The following FADS2 variants were observed in gnomAD, a reference collection of about 807,000 sequenced individuals.
FADS2 encodes the protein acyl-CoA 6-desaturase.
Under a neutral mutation model 61.2 loss-of-function variants are expected in FADS2, and 18 were observed. The ratio of observed to expected loss-of-function variants is 0.29; its 90% CI spans 0.20 to 0.44. The LOEUF (loss-of-function observed/expected upper bound fraction) is 0.44. Among genes scored for constraint, FADS2 ranks in the 20% least tolerant of loss-of-function variants. The pLI is 1.00. For synonymous variants in FADS2, 203 were observed against 223.9 expected (o/e 0.91, Z 0.83); for missense variants, 322 against 572.7 (o/e 0.56, Z 4.47).
chr11:61,822,264 C>T (rs761589277), intron 1 of FADS2, among the ~76,000 whole-genome samples: 33 of 152,178 alleles, frequency 2.2e-4, no homozygotes, highest in Non-Finnish European at 4.0e-4. Context: ...CCACCGCGCC[C>T]GGCCCAGTCT....
intron 5 of FADS2, among the ~76,000 whole-genome samples, chr11:61,853,290 C>CCCTTCCTTCCTCCCTCCCTT (rs2067325977): frequency 2.4e-5 from 2 of 81,692 alleles, no homozygotes; most frequent in Admixed American, 1.3e-4. Flanking sequence ...CTCCCTCCCT[C>CCCTTCCTTCCTCCCTCCCTT]CCTTCCTTCC....
At chr11:61,840,159 A>G (rs1036140894) in intron 2 of FADS2, 175 bp from the exon 3 acceptor site, 1 of 628,616 alleles carries the variant, frequency 1.6e-6, no homozygotes, top group Admixed American at 2.5e-5. Flanking sequence ...TGTGTGGGGC[A>G]TGTGGTAACA....
At chr11:61,850,740 A>G (rs1375195516) in intron 5 of FADS2, among the ~76,000 whole-genome samples, 4 of 152,192 alleles carry the variant, frequency 2.6e-5, no homozygotes, top group African/African-American at 9.7e-5. Flanking sequence ...TGTTGCTTTT[A>G]TGCAGATCTT....
At chr11:61,857,132 C>G in intron 6 of FADS2, 61 bp downstream of exon 6, 1 of 1,345,462 alleles carries the variant, frequency 7.4e-7, no homozygotes, top group African/African-American at 1.4e-5. Flanking sequence ...AGTGGCGTGT[C>G]TCTCCCTCCT....
chr11:61,820,705 A>G (rs2135946958), intron 1 of FADS2, among the ~76,000 whole-genome samples: 1 of 152,062 alleles, frequency 6.6e-6, no homozygotes, highest in South Asian at 2.1e-4. Context: ...CTCCAGACCC[A>G]CTTGGCCAAC....
At position 61,861,685 on chromosome 11, in the gene FADS2, G is replaced by A. The variant is rs1022086844; in HGVS notation, c.883-1287G>A. 2.6e-5 allele frequency among the ~76,000 whole-genome samples: 4 copies of A among 152,188 alleles called. No individual in the cohort carries two copies. The South Asian group carries it at 6.2e-4, about 24-fold the overall frequency. The stretch of plus-strand genomic sequence containing the variant: ...GCCCTCGGCCAATGTTGGCCCCAAG[G>A]CCATCTCCAGCCTCTCCTGAGCGCT... On this transcript the variant is annotated intron_variant, in intron 7 of 11. Transcript: ENST00000278840.
chr11:61,859,935 ACTT>A (rs1329639989), intron 7 of FADS2, among the ~76,000 whole-genome samples: 2 of 118,924 alleles, frequency 1.7e-5, no homozygotes, highest in Non-Finnish European at 4.1e-5. Flanking sequence ...GCAGTGAGCA[ACTT>A]CTTTTTTTTG....
At position 61,816,618 on chromosome 11, in the gene FADS2, C is replaced by T; in HGVS notation, c.141+192C>T. On this transcript the variant is annotated intron_variant, in intron 1 of 11. Coordinates refer to the FADS2 transcript ENST00000257261. The surrounding 1 kb of genome is among the most constrained non-coding windows in gnomAD (Gnocchi z 7.0). ...AGCCCCCTGGATGCCGGCGGGTGAA[C>T]TCGCTGATGTTGTACACCTTACGGT... 2 of 1,602,782 alleles carry T rather than the reference C, an allele frequency of 1.2e-6. No individual in the cohort carries two copies. The highest frequency in any genetic ancestry group is 1.7e-6 in the Non-Finnish European group (2 of 1,175,488).
At chr11:61,862,239 G>C (rs2067424130) in intron 7 of FADS2, 1 of 152,290 alleles carries the variant, frequency 6.6e-6, no homozygotes, top group Non-Finnish European at 1.5e-5. Context: ...TGGAGCGAAG[G>C]CCACTCTGGT....
At chr11:61,824,491 AAAGAAAGAAAG>A (rs1250695383), upstream of FADS2, among the ~76,000 whole-genome samples, 758 of 9,572 alleles carry the variant, frequency 0.079, 156 homozygotes, top group East Asian at 0.64. Context: ...AGAGAGAGAG[AAAGAAAGAAAG>A]GAAAGAAAGA....
At chr11:61,863,581 A>G in intron 9 of FADS2, 126 bp from the exon 10 acceptor site, 1 of 839,448 alleles carries the variant, frequency 1.2e-6, no homozygotes, top group Non-Finnish European at 1.9e-6. Flanking sequence ...GGCTGAGGCC[A>G]TCAGGCAGGA....
chr11:61,823,349 T>A (rs1025442457), upstream of FADS2, among the ~76,000 whole-genome samples: 62 of 152,244 alleles, frequency 4.1e-4, no homozygotes, highest in Non-Finnish European at 1.0e-4. Context: ...CACCTACTGC[T>A]GTGTAATCTT....
chr11:61,853,601 G>A (rs1591177356), intron 5 of FADS2, among the ~76,000 whole-genome samples: 1 of 152,010 alleles, frequency 6.6e-6, no homozygotes, highest in East Asian at 1.9e-4. Flanking sequence ...TCCCATCCGG[G>A]AAACCACCTC....
At chr11:61,824,563 G>A (rs927419121), upstream of FADS2, among the ~76,000 whole-genome samples, 6 of 151,888 alleles carry the variant, frequency 4.0e-5, no homozygotes, top group African/African-American at 1.5e-4. Context: ...TGAGGAAACT[G>A]AAGGTCAGAG....
Position 61,837,782 on chromosome 11 carries a change from C to G in FADS2, c.212C>G (p.Ala71Gly). Residue 71 changes from alanine (A) to glycine (G), a missense_variant, in exon 2 of 12, where the codon GCC becomes GGC. Physicochemically the swap from Ala to Gly is moderately conservative, Grantham distance 60. Around this residue, in one of 3 missense-constraint regions of FADS2, gnomAD observed 61 missense variants for 107.4 expected, o/e 0.57. Coordinates refer to ENST00000278840, the MANE Select transcript of FADS2 (RefSeq NM_004265.4). ...TCACTGCCCTCTGCTCTCCAGGATG[C>G]CTTCCGCGCCTTCCACCCTGACCTG... ...GHYAGEDATD[A>G]FRAFHPDLEF... is the part of the protein sequence containing the mutation. 1 of 1,609,536 alleles carries G rather than the reference C, an allele frequency of 6.2e-7. No individual in the cohort carries two copies. Among genetic ancestry groups the G allele is most frequent in the Non-Finnish European group, 8.5e-7 (1 of 1,177,554 alleles).
chr11:61,848,688 G>A (rs750643798), intron 5 of FADS2: 3 of 178,314 alleles, frequency 1.7e-5, no homozygotes, highest in Non-Finnish European at 3.6e-5. Context: ...CAGGGTAGAG[G>A]GAAATCTTGT....
In FADS2 at chr11:61,840,707, C is replaced by T. The variant is rs1257951337; in HGVS notation, c.600C>T (p.Phe200=). 15 of 1,613,772 alleles carry T rather than the reference C, an allele frequency of 9.3e-6. No individual in the cohort carries two copies. Among genetic ancestry groups the T allele is most frequent in the African/African-American group, 2.7e-5 (2 of 74,930 alleles). Reference sequence around the variant, plus strand: ...AGTGGAACCACCTTGTCCACAAATTCGTCATTGGCCACTTAAAGGTAAGTG... The same window carrying T: ...AGTGGAACCACCTTGTCCACAAATTTGTCATTGGCCACTTAAAGGTAAGTG... ...KPKWNHLVHK[F]VIGHLKGASA... Residue 200 remains phenylalanine, a synonymous_variant, in exon 4 of 12, where the codon TTC becomes TTT. Transcript: ENST00000278840.
rs201529572 is a variant in FADS2, at chr11:61,865,703, G to A, written c.*14G>A. ...CTTCACAAATGAAGCCACAGCCCCC[G>A]GGACACCGTGGGGAAGGGGTGCAGG... On this transcript the variant is annotated 3_prime_UTR_variant, in exon 12 of 12. Coordinates refer to ENST00000278840, the MANE Select transcript of FADS2 (RefSeq NM_004265.4). The surrounding 1 kb of genome is among the most constrained non-coding windows in gnomAD (Gnocchi z 4.1). 21 of 1,606,184 alleles carry A rather than the reference G, an allele frequency of 1.3e-5. No homozygotes were observed. The East Asian group carries it at 1.3e-4, about 10-fold the overall frequency.
chr11:61,861,998 C>A (rs1398415468), intron 7 of FADS2: 1 of 152,268 alleles, frequency 6.6e-6, no homozygotes, highest in Non-Finnish European at 1.5e-5. Flanking sequence ...ACAGGGCAGT[C>A]CCTTGGCCTC....
Sources: allele counts gnomAD v4.1 joint callset (sites outside exome capture counted in the v4.1 genomes callset), GRCh38; gene constraint gnomAD v4.1.1; regional missense constraint gnomAD v4.1.1; non-coding constraint Gnocchi (gnomAD v3.1); transcripts MANE v1.5; gene names NCBI Gene and HGNC (gene_info 2026-07-23, HGNC 2026-07-21).